The following CNTN4 variants were observed in gnomAD, a reference collection of about 807,000 sequenced individuals.
The protein encoded by CNTN4 is contactin-4.
Under a neutral mutation model 122.5 loss-of-function variants are expected in CNTN4, and 77 were observed. The ratio of observed to expected loss-of-function variants is 0.63; its 90% CI spans 0.52 to 0.76. The LOEUF is 0.76. CNTN4 is among the 30% of genes least tolerant of loss of function. CNTN4 has a pLI of 0.00. For missense variants in CNTN4, 1,256 were observed against 1,259.1 expected (o/e 1.00, Z 0.04); for synonymous variants, 512 against 447.0 (o/e 1.15, Z -1.83).
In CNTN4 at chr3:2,611,423, T is replaced by C. The variant is rs528050290; in HGVS notation, c.55+39865T>C. ...GGGACAGAGGGAAGGACAGGTAAAG[T>C]TGATGGGCCAAGGAGAGTAACATCA... On this transcript the variant is annotated intron_variant, in intron 4 of 24. Coordinates refer to ENST00000418658, the MANE Select transcript of CNTN4 (RefSeq NM_175607.3). 1.1e-3 allele frequency among the ~76,000 whole-genome samples: 162 copies of C among 152,024 alleles called. 1 individual carries two copies. Among genetic ancestry groups the C allele is most frequent in the African/African-American group, 2.9e-3 (122 of 41,464 alleles).
intron 4 of CNTN4, among the ~76,000 whole-genome samples, chr3:2,657,358 C>G (rs955967945): frequency 1.3e-5 from 2 of 152,192 alleles, no homozygotes; most frequent in African/African-American, 4.8e-5. Context: ...TTACATCAAT[C>G]TCTCCAGTGG....
At chr3:2,280,165 G>T (rs2041665061) in intron 2 of CNTN4, among the ~76,000 whole-genome samples, 2 of 151,768 alleles carry the variant, frequency 1.3e-5, no homozygotes, top group African/African-American at 2.4e-5. Context: ...TTCTCATGTT[G>T]CCCAGGCTGG....
intron 4 of CNTN4, among the ~76,000 whole-genome samples, chr3:2,648,838 T>C (rs2083242573): frequency 6.6e-6 from 1 of 152,190 alleles, no homozygotes; most frequent in Non-Finnish European, 1.5e-5. Context: ...GGCTAAGTTA[T>C]GAATGCAAAG....
intron 2 of CNTN4, among the ~76,000 whole-genome samples, chr3:2,317,024 A>G (rs914494161): frequency 1.3e-5 from 2 of 152,100 alleles, no homozygotes; most frequent in African/African-American, 4.8e-5. Flanking sequence ...CACTATCACC[A>G]TTCTAGTGGC....
At chr3:2,752,517 C>G (rs1176665950) in intron 6 of CNTN4, among the ~76,000 whole-genome samples, 2 of 152,140 alleles carry the variant, frequency 1.3e-5, no homozygotes, top group Non-Finnish European at 2.9e-5. Flanking sequence ...AGGCGCCCAC[C>G]ACCACGCCCA....
intron 23 of CNTN4, among the ~76,000 whole-genome samples, chr3:3,049,963 G>A (rs1234374478): frequency 2.0e-5 from 3 of 152,150 alleles, no homozygotes; most frequent in Non-Finnish European, 2.9e-5. Context: ...TCTTACTCAG[G>A]AACAGAATAC....
At chr3:2,665,926 C>A (rs2084132964) in intron 4 of CNTN4, among the ~76,000 whole-genome samples, 1 of 152,150 alleles carries the variant, frequency 6.6e-6, no homozygotes, top group South Asian at 2.1e-4. Flanking sequence ...GTGGCATTGC[C>A]TTGATTAGTC....
At chr3:2,957,366 G>C (rs1352445575) in intron 13 of CNTN4, among the ~76,000 whole-genome samples, 1 of 151,908 alleles carries the variant, frequency 6.6e-6, no homozygotes, top group East Asian at 1.9e-4. Context: ...TGTGGTTTTG[G>C]TTTGCATTTC....
intron 3 of CNTN4, among the ~76,000 whole-genome samples, chr3:2,456,682 G>A (rs577129245): frequency 3.6e-4 from 55 of 152,128 alleles, no homozygotes; most frequent in African/African-American, 1.3e-3. Context: ...CATCCACATC[G>A]TAGCACCTGT....
intron 2 of CNTN4, among the ~76,000 whole-genome samples, chr3:2,258,440 A>G (rs559250836): frequency 6.6e-6 from 1 of 152,288 alleles, no homozygotes; most frequent in East Asian, 1.9e-4. Flanking sequence ...TTCTGTCTCA[A>G]TATACATTTA....
At chr3:2,683,208 A>T (rs1267480962) in intron 4 of CNTN4, among the ~76,000 whole-genome samples, 5 of 152,134 alleles carry the variant, frequency 3.3e-5, no homozygotes, top group Non-Finnish European at 5.9e-5. Context: ...ACAGAAAGGG[A>T]AAATGACAAG....
At chr3:2,751,518 C>G (rs2090089959) in intron 6 of CNTN4, among the ~76,000 whole-genome samples, 1 of 152,094 alleles carries the variant, frequency 6.6e-6, no homozygotes, top group South Asian at 2.1e-4. Flanking sequence ...GGAGCAAAAC[C>G]AAGTTGAATA....
chr3:2,301,480 A>T (rs2042518432), intron 2 of CNTN4, among the ~76,000 whole-genome samples: 1 of 152,230 alleles, frequency 6.6e-6, no homozygotes, highest in Non-Finnish European at 1.5e-5. Context: ...TCTGCTCTAT[A>T]TCAAGAATAA....
intron 4 of CNTN4, among the ~76,000 whole-genome samples, chr3:2,647,369 G>A (rs185971400): frequency 0.015 from 2,268 of 149,390 alleles, 28 homozygotes; most frequent in Admixed American, 0.027. Context: ...CAACGAGAGC[G>A]AAACTCATCT....
chr3:2,864,205 A>G (rs903459502), intron 7 of CNTN4, among the ~76,000 whole-genome samples: 3 of 152,144 alleles, frequency 2.0e-5, no homozygotes, highest in Non-Finnish European at 2.9e-5. Flanking sequence ...AATTGTCCTC[A>G]TTTTATGGAC....
Position 2,480,976 on chromosome 3 carries a change from C to T in CNTN4, c.-88-90440C>T, listed in dbSNP as rs1184889013. Among the ~76,000 whole-genome samples the T allele has an allele frequency of 2.0e-5, 3 of 151,930 alleles. No individual in the cohort carries two copies. The East Asian group carries it at 5.8e-4, about 29-fold the overall frequency. On this transcript the variant is annotated intron_variant, in intron 3 of 24. Coordinates refer to ENST00000418658, the MANE Select transcript of CNTN4 (RefSeq NM_175607.3). ...CTAATCTTTGACAAAGGAGTAAAGG[C>T]AATAAAATGAAGAAAAGATAGTTTT... is the stretch of plus-strand genomic sequence containing the variant.
chr3:2,295,813 C>A (rs1424352547), intron 2 of CNTN4, among the ~76,000 whole-genome samples: 1 of 152,044 alleles, frequency 6.6e-6, no homozygotes, highest in Admixed American at 6.6e-5. Context: ...GTTTTTAGGT[C>A]TAACATGTGA....
intron 14 of CNTN4, among the ~76,000 whole-genome samples, chr3:3,013,067 C>T (rs760397068): frequency 2.6e-5 from 4 of 152,110 alleles, no homozygotes; most frequent in Non-Finnish European, 4.4e-5. Context: ...CTTTCTTCCC[C>T]GTGCAAATCT....
chr3:2,761,608 G>A (rs143574248), intron 6 of CNTN4, among the ~76,000 whole-genome samples: 1 of 152,098 alleles, frequency 6.6e-6, no homozygotes, highest in East Asian at 1.9e-4. Context: ...AGTTTTGTCT[G>A]GCTCTCTCAC....
Sources: gnomAD v4.1 joint callset for allele counts (sites outside exome capture counted in the v4.1 genomes callset) on GRCh38, gnomAD v4.1.1 for gene constraint, MANE v1.5 for transcripts, NCBI Gene and HGNC (gene_info 2026-07-23, HGNC 2026-07-21) for gene names.